The following SPSB4 variants were observed in gnomAD, a reference collection of about 807,000 sequenced individuals.
SPSB4 encodes splA/ryanodine receptor domain and SOCS box containing 4, also known as SPRY domain-containing SOCS box protein 4.
SPSB4 carries 21 observed loss-of-function variants against 20.9 expected under a neutral mutation model. The observed-to-expected ratio is 1.01, with a 90% CI of 0.71 to 1.45. The LOEUF is 1.45. Among genes scored for constraint, SPSB4 ranks in the 40% most tolerant of loss-of-function variants. The probability of loss-of-function intolerance (pLI) is 0.00; values close to 1 mark genes in which losing one functional copy is unlikely to be tolerated. For missense variants in SPSB4, 399 were observed against 399.2 expected (o/e 1.00, Z 0.00); for synonymous variants, 207 against 183.8 (o/e 1.13, Z -1.02).
intron 1 of SPSB4, among the ~76,000 whole-genome samples, chr3:141,058,144 G>A (rs1440375566): frequency 6.6e-6 from 1 of 151,804 alleles, no homozygotes; most frequent in Non-Finnish European, 1.5e-5. Context: ...TGCAGACCCC[G>A]TGCCTATTGA....
At chr3:141,076,269 C>T (rs2107784303) in intron 2 of SPSB4, among the ~76,000 whole-genome samples, 1 of 152,328 alleles carries the variant, frequency 6.6e-6, no homozygotes, top group Admixed American at 6.5e-5. Context: ...GCAGCTATGC[C>T]TTCTGCATTT....
chr3:141,061,933 C>G (rs1937774542), intron 1 of SPSB4, among the ~76,000 whole-genome samples: 1 of 152,160 alleles, frequency 6.6e-6, no homozygotes, highest in South Asian at 2.1e-4. Flanking sequence ...CAGCATTTCA[C>G]CATGTTGGCC....
At chr3:141,090,112 C>T (rs1045204843) in intron 2 of SPSB4, among the ~76,000 whole-genome samples, 1 of 152,026 alleles carries the variant, frequency 6.6e-6, no homozygotes, top group Admixed American at 6.5e-5. Flanking sequence ...CTCCTGCTTC[C>T]CAGTTTGGGA....
chr3:141,111,354 CTTTTTTTTT>C (rs34223433), intron 2 of SPSB4, among the ~76,000 whole-genome samples: 8 of 61,802 alleles, frequency 1.3e-4, no homozygotes, highest in East Asian at 6.3e-4. Context: ...CTGGAACTTG[CTTTTTTTTT>C]TTTTTTTTTT....
At chr3:141,090,425 A>T (rs372127985) in intron 2 of SPSB4, among the ~76,000 whole-genome samples, 4 of 152,290 alleles carry the variant, frequency 2.6e-5, no homozygotes, top group African/African-American at 9.6e-5. Flanking sequence ...AAGGAGCTGG[A>T]GTGTGTTGGA....
intron 2 of SPSB4, among the ~76,000 whole-genome samples, chr3:141,113,600 G>C (rs1938838650): frequency 6.6e-6 from 1 of 152,170 alleles, no homozygotes; most frequent in Non-Finnish European, 1.5e-5. Context: ...TTCTGGGCAT[G>C]GAATATCCAG....
At chr3:141,065,015 G>A (rs751698205) in intron 1 of SPSB4, among the ~76,000 whole-genome samples, 4 of 152,262 alleles carry the variant, frequency 2.6e-5, no homozygotes, top group African/African-American at 7.2e-5. Flanking sequence ...AAAACCTGTC[G>A]GCAGAGTTCC....
intron 1 of SPSB4, among the ~76,000 whole-genome samples, chr3:141,064,856 A>G (rs183126364): frequency 4.9e-4 from 75 of 152,278 alleles, no homozygotes; most frequent in Admixed American, 1.6e-3. Context: ...ATGGTGGCCA[A>G]TTCCTTCTCC....
At chr3:141,095,672 C>T (rs532590479) in intron 2 of SPSB4, among the ~76,000 whole-genome samples, 3 of 152,150 alleles carry the variant, frequency 2.0e-5, no homozygotes, top group East Asian at 1.9e-4. Context: ...CCTGTCCCCT[C>T]GGAACATTCT....
intron 2 of SPSB4, among the ~76,000 whole-genome samples, chr3:141,093,606 C>T (rs972118888): frequency 1.3e-5 from 2 of 152,162 alleles, no homozygotes; most frequent in Non-Finnish European, 2.9e-5. Context: ...GTGAAGCTTC[C>T]GGTTCTCCAG....
chr3:141,129,361 C>T (rs560658921), intron 2 of SPSB4, among the ~76,000 whole-genome samples: 5 of 152,320 alleles, frequency 3.3e-5, no homozygotes, highest in African/African-American at 1.2e-4. Flanking sequence ...GTTGGGATTA[C>T]AGTTCTTTAA....
At chr3:141,057,220 A>G (rs576493075) in intron 1 of SPSB4, among the ~76,000 whole-genome samples, 5 of 152,092 alleles carry the variant, frequency 3.3e-5, no homozygotes, top group African/African-American at 1.2e-4. Flanking sequence ...TATGAACAAA[A>G]CCTTGGGGGT....
At chr3:141,127,503 G>A (rs1939067373) in intron 2 of SPSB4, among the ~76,000 whole-genome samples, 1 of 152,172 alleles carries the variant, frequency 6.6e-6, no homozygotes, top group Non-Finnish European at 1.5e-5. Flanking sequence ...CACATCCCCA[G>A]GTCTGCAAGG....
chr3:141,065,108 A>G (rs1937838712), intron 1 of SPSB4, among the ~76,000 whole-genome samples: 1 of 152,180 alleles, frequency 6.6e-6, no homozygotes, highest in Non-Finnish European at 1.5e-5. Flanking sequence ...CTGGCAAGAA[A>G]TCTGGAGTAT....
At position 141,147,188 on chromosome 3, in the gene SPSB4, G is replaced by A. The variant is rs896053462; in HGVS notation, c.741G>A (p.Ser247=). Residue 247 remains serine, a synonymous_variant, in exon 3 of 3, where the codon TCG becomes TCA. Transcript: ENST00000310546. ...LMDLCRRSIR[S]ALGRQRLQDI... is the part of the protein sequence containing the mutation. Reference sequence around the variant, plus strand: ...ACCTGTGCCGGAGATCCATCCGCTCGGCCCTGGGCCGCCAGCGCCTGCAGG... The same window carrying A: ...ACCTGTGCCGGAGATCCATCCGCTCAGCCCTGGGCCGCCAGCGCCTGCAGG... 8.7e-6 allele frequency: 14 copies of A among 1,614,050 alleles called. No homozygotes were observed. Among genetic ancestry groups the A allele is most frequent in the Middle Eastern group, 1.6e-4 (1 of 6,084 alleles).
At chr3:141,054,042 TTCC>T (rs1441896444) in intron 1 of SPSB4, among the ~76,000 whole-genome samples, 3 of 152,250 alleles carry the variant, frequency 2.0e-5, no homozygotes, top group Non-Finnish European at 4.4e-5. Context: ...CAACTGAAAC[TTCC>T]TCATCATTTA....
At chr3:141,072,821 G>T (rs72980158) in intron 2 of SPSB4, among the ~76,000 whole-genome samples, 1 of 152,016 alleles carries the variant, frequency 6.6e-6, no homozygotes, top group Non-Finnish European at 1.5e-5. Context: ...CCCCCCATCC[G>T]CTCCTGCTGG....
chr3:141,105,798 T>C (rs149021717), intron 2 of SPSB4, among the ~76,000 whole-genome samples: 2 of 152,362 alleles, frequency 1.3e-5, no homozygotes, highest in African/African-American at 4.8e-5. Flanking sequence ...ATAAAATAGA[T>C]TAAAGTTTTA....
Position 141,066,044 on chromosome 3 carries a change from G to A in SPSB4, c.-61G>A, listed in dbSNP as rs1231733316. On this transcript the variant is annotated 5_prime_UTR_variant, in exon 2 of 3. Coordinates refer to ENST00000310546, the MANE Select transcript of SPSB4 (RefSeq NM_080862.3). Reference sequence around the variant, plus strand: ...GCCCCGTGGCCCATTCCTGGCTACGGGGAGTGGAGGCTCCCACGAGGTAGC... The same window carrying A: ...GCCCCGTGGCCCATTCCTGGCTACGAGGAGTGGAGGCTCCCACGAGGTAGC... 8.6e-6 allele frequency: 12 copies of A among 1,389,746 alleles called. No individual in the cohort carries two copies. In the African/African-American group the frequency reaches 1.8e-4, roughly 21 times the overall value. 86.1% of individuals were successfully genotyped at this position (1,389,746 alleles called of 1,614,324 possible).
Sources: gnomAD v4.1 joint callset for allele counts (sites outside exome capture counted in the v4.1 genomes callset) on GRCh38, gnomAD v4.1.1 for gene constraint, MANE v1.5 for transcripts, NCBI Gene and HGNC (gene_info 2026-07-23, HGNC 2026-07-21) for gene names.